The following UNC93A variants were observed in gnomAD, a reference collection of about 807,000 sequenced individuals.
UNC93A encodes N-acetylglucosamine transporter UNC93A.
UNC93A carries 43 observed loss-of-function variants against 47.5 expected under a neutral mutation model. That is an observed-to-expected ratio of 0.91 (90% CI 0.71 to 1.17). The LOEUF (loss-of-function observed/expected upper bound fraction) is 1.17, where lower values mean the gene tolerates loss of function less well. Among genes scored for constraint, UNC93A ranks in the 50% most tolerant of loss-of-function variants. The pLI is 0.00. For missense variants in UNC93A, 605 were observed against 577.6 expected (o/e 1.05, Z -0.49); for synonymous variants, 280 against 258.0 (o/e 1.09, Z -0.82).
upstream of UNC93A, among the ~76,000 whole-genome samples, chr6:167,270,357 C>T (rs567403159): frequency 7.0e-4 from 106 of 152,146 alleles, no homozygotes; most frequent in African/African-American, 2.4e-3. Flanking sequence ...ACAAACTGGC[C>T]TTAACTATGA....
intron 1 of UNC93A, among the ~76,000 whole-genome samples, chr6:167,276,059 C>T (rs969567152): frequency 1.1e-4 from 15 of 132,326 alleles, no homozygotes; most frequent in Admixed American, 5.9e-4. Flanking sequence ...TTTTTCTTTT[C>T]TTTTCTTTTT....
upstream of UNC93A, among the ~76,000 whole-genome samples, chr6:167,270,073 G>T (rs918066849): frequency 8.8e-6 from 1 of 114,160 alleles, no homozygotes; most frequent in Non-Finnish European, 1.8e-5. Flanking sequence ...TGGGGGGGGG[G>T]CGTTCACATG....
intron 2 of UNC93A, among the ~76,000 whole-genome samples, chr6:167,295,288 C>T (rs570638907): frequency 8.5e-5 from 13 of 152,354 alleles, no homozygotes; most frequent in Non-Finnish European, 1.6e-4. Context: ...GGCTGCAAGT[C>T]CTTCTTCCCG....
At chr6:167,299,082 C>A (rs1460469336) in intron 4 of UNC93A, among the ~76,000 whole-genome samples, 1 of 147,316 alleles carries the variant, frequency 6.8e-6, no homozygotes, top group African/African-American at 2.5e-5. Flanking sequence ...CGCGCTGCTG[C>A]ACTCCAGCCT....
At position 167,315,301 on chromosome 6, in the gene UNC93A, A is replaced by G; in HGVS notation, c.1223A>G (p.His408Arg). The stretch of plus-strand genomic sequence containing the variant: ...GGGTACAGCATGTTTTTGTGCGTGC[A>G]CGTCAAGCTCTACATTCTGCTGGGG... Reference protein sequence around the residue: ...AFGYSMFLCVHVKLYILLGVL... With the variant: ...AFGYSMFLCVRVKLYILLGVL... Residue 408 changes from histidine (H) to arginine (R), a missense_variant, in exon 8 of 8, where the codon CAC becomes CGC. Physicochemically the swap from His to Arg is conservative, Grantham distance 29. Transcript: ENST00000230256. 1 of 1,613,842 alleles carries G rather than the reference A, an allele frequency of 6.2e-7. No homozygotes were observed. Among genetic ancestry groups the G allele is most frequent in the Non-Finnish European group, 8.5e-7 (1 of 1,179,848 alleles).
At chr6:167,292,399 C>T (rs1236393008) in intron 1 of UNC93A, among the ~76,000 whole-genome samples, 1 of 152,182 alleles carries the variant, frequency 6.6e-6, no homozygotes, top group Non-Finnish European at 1.5e-5. Context: ...CTACTGTGTG[C>T]ATAGTATGGA....
intron 5 of UNC93A, 100 bp downstream of exon 5, chr6:167,304,233 GC>G: frequency 7.4e-7 from 1 of 1,348,362 alleles, no homozygotes; most frequent in Non-Finnish European, 1.0e-6. Flanking sequence ...CAGGCCACCT[GC>G]CCAGGGCTGG....
At position 167,296,122 on chromosome 6, in the gene UNC93A, C is replaced by T. The variant is rs745539135; in HGVS notation, c.360C>T (p.Asn120=). Residue 120 remains asparagine, a synonymous_variant, in exon 3 of 8, where the codon AAC becomes AAT. Coordinates refer to ENST00000230256, the MANE Select transcript of UNC93A (RefSeq NM_018974.4). ...AQCTYLTITG[N]THAEKAGKRG... ...GCACATACCTCACGATCACGGGAAA[C>T]ACACATGCAGAGAAGGCGGGAAAGC... 3 of 1,614,254 alleles carry T rather than the reference C, an allele frequency of 1.9e-6. No homozygotes were observed. The highest frequency in any genetic ancestry group is 1.1e-5 in the South Asian group (1 of 91,088).
intron 2 of UNC93A, 22 bp from the exon 3 acceptor site, chr6:167,296,010 T>C (rs753676160): frequency 5.0e-6 from 8 of 1,609,664 alleles, no homozygotes; most frequent in East Asian, 2.2e-5. Context: ...TTACAGGCTA[T>C]GGGTCTGCAT....
chr6:167,290,351 C>T (rs1783819157), upstream of UNC93A, among the ~76,000 whole-genome samples: 1 of 152,176 alleles, frequency 6.6e-6, no homozygotes, highest in African/African-American at 2.4e-5. Context: ...CCCTGATCTT[C>T]TGATGGTCTG....
intron 4 of UNC93A, among the ~76,000 whole-genome samples, chr6:167,303,069 G>A (rs563427109): frequency 8.5e-5 from 13 of 152,262 alleles, no homozygotes; most frequent in African/African-American, 2.4e-4. Flanking sequence ...GACACCACCC[G>A]TGGTTTCAGG....
chr6:167,272,035 C>T (rs1189518143), intron 1 of UNC93A, among the ~76,000 whole-genome samples: 1 of 152,196 alleles, frequency 6.6e-6, no homozygotes, highest in African/African-American at 2.4e-5. Context: ...CTGGTAGAGA[C>T]AGGAGTGGGG....
At chr6:167,298,539 T>C (rs983936855) in intron 4 of UNC93A, among the ~76,000 whole-genome samples, 4 of 151,556 alleles carry the variant, frequency 2.6e-5, no homozygotes, top group Admixed American at 6.6e-5. Context: ...TTTTTTTTTT[T>C]CTGAGAAATG....
intron 1 of UNC93A, among the ~76,000 whole-genome samples, chr6:167,284,801 C>T (rs150086319): frequency 6.7e-3 from 1,011 of 151,340 alleles, no homozygotes; most frequent in African/African-American, 0.023. Flanking sequence ...TGAGGGCGGT[C>T]GCCACAGGTG....
chr6:167,285,979 T>TACAC (rs1554237667), intron 1 of UNC93A, among the ~76,000 whole-genome samples: 1,529 of 142,070 alleles, frequency 0.011, 30 homozygotes, highest in Middle Eastern at 0.025. Context: ...TATATATATA[T>TACAC]ACACACACAC....
intron 1 of UNC93A, among the ~76,000 whole-genome samples, chr6:167,276,281 T>C (rs2115074405): frequency 2.0e-5 from 3 of 152,054 alleles, no homozygotes; most frequent in Middle Eastern, 6.8e-3. Context: ...TGGTTCCATA[T>C]CTTGGCTATT....
At chr6:167,297,171 C>A (rs187702691) in intron 3 of UNC93A, among the ~76,000 whole-genome samples, 7 of 152,298 alleles carry the variant, frequency 4.6e-5, no homozygotes, top group Non-Finnish European at 8.8e-5. Flanking sequence ...GAGGAACAGG[C>A]ATTTCTTTCG....
chr6:167,275,483 C>G (rs1343664448), intron 1 of UNC93A, among the ~76,000 whole-genome samples: 1 of 152,234 alleles, frequency 6.6e-6, no homozygotes, highest in African/African-American at 2.4e-5. Context: ...ACCTGGTGGT[C>G]AGCTCACCCA....
rs1183661488 is a variant in UNC93A, at chr6:167,291,393, T to A, written c.-97T>A. The stretch of plus-strand genomic sequence containing the variant: ...CTCAGATGAGAGAGAGAATGGGACT[T>A]CTTGGTACTGATTGTTTTTCCCATG... On this transcript the variant is annotated 5_prime_UTR_variant, in exon 1 of 8. Coordinates refer to ENST00000230256, the MANE Select transcript of UNC93A (RefSeq NM_018974.4). The A allele has an allele frequency of 2.9e-6, 3 of 1,049,686 alleles. No individual in the cohort carries two copies. In the African/African-American group the frequency reaches 4.8e-5, roughly 17 times the overall value. The allele number at this position is 1,049,686 out of a possible 1,614,324, so 65.0% of individuals were successfully genotyped here.
Sources: allele counts gnomAD v4.1 joint callset (sites outside exome capture counted in the v4.1 genomes callset), GRCh38; gene constraint gnomAD v4.1.1; transcripts MANE v1.5; gene names NCBI Gene and HGNC (gene_info 2026-07-23, HGNC 2026-07-21).